Variants in TPRG1 observed in about 807,000 individuals in gnomAD.
The protein encoded by TPRG1 is tumor protein p63 regulated 1, also known as tumor protein p63-regulated gene 1 protein.
A neutral mutation model predicts 29.3 loss-of-function variants in TPRG1; 29 were observed. The ratio of observed to expected loss-of-function variants is 0.99; its 90% CI spans 0.74 to 1.35. The LOEUF (loss-of-function observed/expected upper bound fraction) is 1.35. Among genes scored for constraint, TPRG1 ranks in the 40% most tolerant of loss-of-function variants. The pLI is 0.00. For synonymous variants in TPRG1, 130 were observed against 116.8 expected (o/e 1.11, Z -0.73); for missense variants, 327 against 335.0 (o/e 0.98, Z 0.19).
intron 1 of TPRG1, among the ~76,000 whole-genome samples, chr3:189,185,707 A>C (rs1396006117): frequency 6.6e-6 from 1 of 152,190 alleles, no homozygotes; most frequent in Non-Finnish European, 1.5e-5. Context: ...ATGTGTTTCC[A>C]ATGCATATGT....
Position 189,310,624 on chromosome 3 carries a change from C to CAAAATAAAAT in TPRG1, c.633+120_633+129dup, listed in dbSNP as rs201735894. The stretch of plus-strand genomic sequence containing the variant: ...TAGGGACGTGTACTCCTAAACAAAA[C>CAAAATAAAAT]AAAATAAAATAAAATAAAATAAAAT... On this transcript the variant is annotated intron_variant, in intron 5 of 5. Coordinates refer to ENST00000345063, the MANE Select transcript of TPRG1 (RefSeq NM_198485.4). 507 of 470,482 alleles carry CAAAATAAAAT rather than the reference C, an allele frequency of 1.1e-3. 3 individuals are homozygous for CAAAATAAAAT. The highest frequency in any genetic ancestry group is 3.2e-3 in the African/African-American group (149 of 47,252). The allele number at this position is 470,482 out of a possible 1,614,324, so 29.1% of individuals were successfully genotyped here.
At chr3:189,122,050 G>A (rs114199560) in intron 1 of TPRG1, among the ~76,000 whole-genome samples, 4,347 of 152,054 alleles carry the variant, frequency 0.029, 65 homozygotes, top group Middle Eastern at 0.058. Context: ...GTTTGTGTAT[G>A]TATGTATGCA....
chr3:189,057,810 A>ATATGTGTGTATATATATACACACATACG (rs1715808225), intron 4 of TPRG1, among the ~76,000 whole-genome samples: 2 of 144,406 alleles, frequency 1.4e-5, no homozygotes, highest in African/African-American at 5.1e-5. Context: ...GTATGTATAT[A>ATATGTGTGTATATATATACACACATACG]TATGTGTGTA....
At chr3:189,104,682 G>A (rs183885519) in intron 1 of TPRG1, among the ~76,000 whole-genome samples, 5 of 151,644 alleles carry the variant, frequency 3.3e-5, no homozygotes, top group Admixed American at 6.6e-5. Flanking sequence ...ACTGTTTCAC[G>A]AGTTAAGCTT....
intron 3 of TPRG1, among the ~76,000 whole-genome samples, chr3:189,145,644 C>A (rs1725169248): frequency 6.6e-6 from 1 of 152,134 alleles, no homozygotes; most frequent in Non-Finnish European, 1.5e-5. Context: ...TCATGCTTGG[C>A]ACACATTTTC....
intron 5 of TPRG1, among the ~76,000 whole-genome samples, chr3:189,160,510 T>C (rs941930932): frequency 7.9e-5 from 12 of 152,240 alleles, no homozygotes; most frequent in African/African-American, 2.9e-4. Context: ...TGTATCAGCC[T>C]GTCTCAGTTG....
intron 4 of TPRG1, among the ~76,000 whole-genome samples, chr3:189,049,549 T>C (rs1037992916): frequency 6.6e-6 from 1 of 152,030 alleles, no homozygotes; most frequent in African/African-American, 2.4e-5. Flanking sequence ...CACCTGACGG[T>C]CCTTCCCTAT....
chr3:189,043,324 A>C (rs537889143), intron 4 of TPRG1, among the ~76,000 whole-genome samples: 1 of 152,332 alleles, frequency 6.6e-6, no homozygotes, highest in South Asian at 2.1e-4. Flanking sequence ...AAAGACCCTG[A>C]GGCTTGGAAT....
At position 189,207,472 on chromosome 3, in the gene TPRG1, T is replaced by C. The variant is rs756825344; in HGVS notation, c.88T>C (p.Ser30Pro). 1.1e-5 allele frequency: 17 copies of C among 1,614,032 alleles called. No individual in the cohort carries two copies. The highest frequency in any genetic ancestry group is 1.3e-5 in the Non-Finnish European group (15 of 1,179,970). ...DDQPSETDHL[S>P]MEEEDPMPRQ... is the part of the protein sequence containing the mutation. Reference sequence around the variant, plus strand: ...CCAACCCTCTGAGACTGACCACCTATCGATGGAGGAAGAGGACCCGATGCC... The same window carrying C: ...CCAACCCTCTGAGACTGACCACCTACCGATGGAGGAAGAGGACCCGATGCC... The change falls in exon 2 of 6, where the codon TCG becomes CCG. Residue 30 changes from serine (S) to proline (P), a missense_variant. Physicochemically the swap from Ser to Pro is moderately conservative, Grantham distance 74. Transcript: ENST00000345063.
chr3:189,153,772 G>T (rs1726273560), intron 5 of TPRG1, among the ~76,000 whole-genome samples: 1 of 152,166 alleles, frequency 6.6e-6, no homozygotes, highest in Non-Finnish European at 1.5e-5. Flanking sequence ...GCTCGTATAG[G>T]CAAAAAGCAG....
At chr3:189,272,066 C>G (rs1279069476) in intron 4 of TPRG1, among the ~76,000 whole-genome samples, 5 of 152,170 alleles carry the variant, frequency 3.3e-5, no homozygotes, top group Admixed American at 3.3e-4. Context: ...TTATAGTTTA[C>G]AGCACAGATG....
At chr3:189,217,232 AC>A (rs1404520628) in intron 3 of TPRG1, among the ~76,000 whole-genome samples, 2 of 152,190 alleles carry the variant, frequency 1.3e-5, no homozygotes, top group African/African-American at 4.8e-5. Context: ...GATTGGTAAC[AC>A]CAGTAGTTTT....
At chr3:189,065,707 C>T (rs1716394475) in intron 4 of TPRG1, among the ~76,000 whole-genome samples, 1 of 152,004 alleles carries the variant, frequency 6.6e-6, no homozygotes, top group South Asian at 2.1e-4. Flanking sequence ...TAATATCATA[C>T]TTATTGGTCC....
In TPRG1 at chr3:189,066,163, C is replaced by CA. The variant is rs200553867; in HGVS notation, c.-463+42219dup. 7.3e-3 allele frequency among the ~76,000 whole-genome samples: 1,111 copies of CA among 152,178 alleles called. 12 individuals carry two copies. The highest frequency in any genetic ancestry group is 0.026 in the African/African-American group (1,066 of 41,538). On this transcript the variant is annotated intron_variant, in intron 4 of 10. Coordinates refer to the TPRG1 transcript ENST00000433971. ...AATAGATGAATAACAAGTAACAGAT[C>CA]AATGCCATAGTAAAAGTCTCCGAGC...
Position 189,053,817 on chromosome 3 carries a change from TG to T in TPRG1, c.-463+29873del, listed in dbSNP as rs571420159. 1.4e-4 allele frequency among the ~76,000 whole-genome samples: 22 copies of T among 152,296 alleles called. No homozygotes were observed. The South Asian group carries it at 4.1e-3, about 29-fold the overall frequency. ...GGACCTAGACTGGACCCTTGTGTTT[TG>T]GTAACAAGGAGAGTTAGGTCATCGC... On this transcript the variant is annotated intron_variant, in intron 4 of 10. Coordinates refer to the TPRG1 transcript ENST00000433971.
In TPRG1 at chr3:189,027,105, T is replaced by C. The variant is rs183763812; in HGVS notation, c.-463+3159T>C. Reference sequence around the variant, plus strand: ...GCAATGCTATGCAATTGTTTTCTTGTGCAGTGAAGGTGGGAAAGCACTAGA... The same window carrying C: ...GCAATGCTATGCAATTGTTTTCTTGCGCAGTGAAGGTGGGAAAGCACTAGA... On this transcript the variant is annotated intron_variant, in intron 4 of 10. Coordinates refer to the TPRG1 transcript ENST00000433971. 4.4e-3 allele frequency among the ~76,000 whole-genome samples: 668 copies of C among 152,334 alleles called. 1 individual carries two copies. The highest frequency in any genetic ancestry group is 0.014 in the African/African-American group (601 of 41,570).
chr3:189,086,674 T>G (rs1188341697), intron 4 of TPRG1, among the ~76,000 whole-genome samples: 2 of 152,014 alleles, frequency 1.3e-5, no homozygotes, highest in African/African-American at 4.8e-5. Flanking sequence ...ATTACAGGCA[T>G]GTGCCACCAC....
chr3:189,214,826 G>C (rs1224473809), intron 2 of TPRG1, among the ~76,000 whole-genome samples: 1 of 152,100 alleles, frequency 6.6e-6, no homozygotes, highest in African/African-American at 2.4e-5. Flanking sequence ...TTTGGGGAAG[G>C]AAGCAGAAAA....
At chr3:189,001,777 C>T (rs1202075757) in intron 2 of TPRG1, among the ~76,000 whole-genome samples, 1 of 152,060 alleles carries the variant, frequency 6.6e-6, no homozygotes, top group African/African-American at 2.4e-5. Context: ...TGGAAATGAG[C>T]TCCATGACTC....
Sources: allele counts gnomAD v4.1 joint callset (sites outside exome capture counted in the v4.1 genomes callset), GRCh38; gene constraint gnomAD v4.1.1; transcripts MANE v1.5; gene names NCBI Gene and HGNC (gene_info 2026-07-23, HGNC 2026-07-21).